Variants in PIWIL4 observed in about 807,000 individuals in gnomAD.
PIWIL4 encodes the protein piwi like RNA-mediated gene silencing 4, also known as piwi-like protein 4.
Under a neutral mutation model 100.9 loss-of-function variants are expected in PIWIL4, and 50 were observed. The observed-to-expected ratio is 0.50, with a 90% CI of 0.39 to 0.63. The LOEUF is 0.63. PIWIL4 is among the 20% of genes least tolerant of loss of function. The pLI is 0.00. For missense variants in PIWIL4, 887 were observed against 1,043.3 expected (o/e 0.85, Z 2.06); for synonymous variants, 342 against 367.5 (o/e 0.93, Z 0.79).
At chr11:94,589,520 T>C (rs4753144) in intron 8 of PIWIL4, among the ~76,000 whole-genome samples, 77,179 of 151,482 alleles carry the variant, frequency 0.51, 21,701 homozygotes, top group African/African-American at 0.77. Flanking sequence ...TAGGACCACC[T>C]GTAAGCCCTT....
At chr11:94,594,219 C>T (rs924598126) in intron 9 of PIWIL4, among the ~76,000 whole-genome samples, 1 of 152,032 alleles carries the variant, frequency 6.6e-6, no homozygotes, top group South Asian at 2.1e-4. Context: ...GTCATCCTAG[C>T]ATTTTGGGAG....
chr11:94,567,987 G>A (rs992177944), intron 1 of PIWIL4, among the ~76,000 whole-genome samples: 13 of 151,832 alleles, frequency 8.6e-5, no homozygotes, highest in East Asian at 5.8e-4. Flanking sequence ...ATAAAAATAA[G>A]TACTCTCACA....
At chr11:94,572,573 A>G (rs1948172605) in intron 2 of PIWIL4, among the ~76,000 whole-genome samples, 1 of 152,154 alleles carries the variant, frequency 6.6e-6, no homozygotes, top group Admixed American at 6.5e-5. Flanking sequence ...TGTTAATGTC[A>G]GGTTTGTCAA....
chr11:94,602,124 T>G, intron 12 of PIWIL4, 145 bp downstream of exon 12: 1 of 693,262 alleles, frequency 1.4e-6, no homozygotes, highest in Non-Finnish European at 2.3e-6. Flanking sequence ...GTAGATAGAT[T>G]TTGTAATGAC....
At chr11:94,620,218 C>T (rs1299932590) in intron 19 of PIWIL4, 74 bp downstream of exon 19, 1 of 1,423,644 alleles carries the variant, frequency 7.0e-7, no homozygotes, top group East Asian at 2.3e-5. Flanking sequence ...TACACGTCAT[C>T]TTTGTATCCC....
At chr11:94,585,372 G>A (rs1282613572) in intron 5 of PIWIL4, 73 bp from the exon 6 acceptor site, 1 of 1,032,958 alleles carries the variant, frequency 9.7e-7, no homozygotes, top group African/African-American at 1.6e-5. Flanking sequence ...ATTATGTTCA[G>A]TAAGGGTTTG....
intron 2 of PIWIL4, among the ~76,000 whole-genome samples, chr11:94,572,804 A>G (rs1265974994): frequency 6.6e-6 from 1 of 152,190 alleles, no homozygotes; most frequent in Non-Finnish European, 1.5e-5. Flanking sequence ...ACTATAAAGT[A>G]GTTTTTTCCA....
In PIWIL4 at chr11:94,569,365, G is replaced by GT. The variant is rs201730286; in HGVS notation, c.166+569dup. Among the ~76,000 whole-genome samples, 794 of 147,630 alleles carry GT rather than the reference G, an allele frequency of 5.4e-3. 5 individuals carry two copies. Among genetic ancestry groups the GT allele is most frequent in the East Asian group, 9.7e-3 (49 of 5,032 alleles). ...ATGGAATTGGAGGCCATTATCTTTT[G>GT]TTTTTTTTTTTTGTTTGTTTGTTTG... On this transcript the variant is annotated intron_variant, in intron 2 of 19. Transcript: ENST00000299001.
Position 94,620,144 on chromosome 11 carries a change from G to A in PIWIL4, c.2442G>A (p.Pro814=), listed in dbSNP as rs138259800. The change falls in exon 19 of 20, where the codon CCG becomes CCA. Residue 814 remains proline (P), a splice_region_variant and synonymous_variant. Coordinates refer to ENST00000299001, the MANE Select transcript of PIWIL4 (RefSeq NM_152431.3). ...FKLCHLYYNW[P]GIVSVPAPCQ... is the part of the protein sequence containing the mutation. ...TGTGCCACCTGTACTACAACTGGCC[G>A]GTGAGTGAAAGCTGTTTACTTAATG... The A allele has an allele frequency of 2.8e-5, 44 of 1,583,038 alleles. No individual in the cohort carries two copies. The highest frequency in any genetic ancestry group is 5.8e-5 in the South Asian group (5 of 85,928).
intron 7 of PIWIL4, among the ~76,000 whole-genome samples, chr11:94,588,193 T>C (rs1379174840): frequency 1.3e-5 from 2 of 152,098 alleles, no homozygotes; most frequent in Non-Finnish European, 2.9e-5. Context: ...CTCCCACTTA[T>C]AAGTGAGAAC....
intron 11 of PIWIL4, among the ~76,000 whole-genome samples, chr11:94,599,155 A>G (rs1435701985): frequency 6.6e-6 from 1 of 152,270 alleles, no homozygotes; most frequent in East Asian, 1.9e-4. Flanking sequence ...GCGAGAGTTC[A>G]GTAAAGAGAA....
intron 15 of PIWIL4, among the ~76,000 whole-genome samples, chr11:94,612,164 A>C (rs1289069489): frequency 7.1e-6 from 1 of 141,624 alleles, no homozygotes; most frequent in Admixed American, 7.2e-5. Context: ...GCTCCCTACT[A>C]TTATTGTATT....
intron 15 of PIWIL4, among the ~76,000 whole-genome samples, chr11:94,613,130 A>G (rs1206410891): frequency 6.6e-6 from 1 of 152,000 alleles, no homozygotes; most frequent in African/African-American, 2.4e-5. Flanking sequence ...TCCCTTTGTT[A>G]TTTCTTATAT....
chr11:94,620,149 G>C lies in PIWIL4; in HGVS notation c.2442+5G>C. 2 of 1,574,472 alleles carry C rather than the reference G, an allele frequency of 1.3e-6. No homozygotes were observed. The highest frequency in any genetic ancestry group is 1.7e-6 in the Non-Finnish European group (2 of 1,161,934). On this transcript the variant is annotated splice_donor_5th_base_variant and intron_variant, in intron 19 of 19. Coordinates refer to ENST00000299001, the MANE Select transcript of PIWIL4 (RefSeq NM_152431.3). ...CACCTGTACTACAACTGGCCGGTGAGTGAAAGCTGTTTACTTAATGTAAAT... is the reference window on the plus strand; with the variant it reads ...CACCTGTACTACAACTGGCCGGTGACTGAAAGCTGTTTACTTAATGTAAAT...
chr11:94,579,147 C>A (rs1948281184), intron 4 of PIWIL4, among the ~76,000 whole-genome samples: 1 of 152,184 alleles, frequency 6.6e-6, no homozygotes, highest in Admixed American at 6.5e-5. Flanking sequence ...TGCTCCTGCA[C>A]CCTTGTGCCT....
At chr11:94,595,463 G>C in intron 10 of PIWIL4, 37 bp downstream of exon 10, 1 of 1,519,950 alleles carries the variant, frequency 6.6e-7, no homozygotes, top group Non-Finnish European at 9.1e-7. Context: ...CTGGGGCTGA[G>C]TTTTTAGTAT....
rs376744967 is a variant in PIWIL4 at position 94,595,440 on chromosome 11, G to T, written c.1268+14G>T. ...CAACATCCAGAGGTACTGGATCACC[G>T]CATGCATCCTTCCTGGGGCTGAGTT... On this transcript the variant is annotated intron_variant, in intron 10 of 19. Coordinates refer to ENST00000299001, the MANE Select transcript of PIWIL4 (RefSeq NM_152431.3). The T allele has an allele frequency of 1.4e-5, 23 of 1,593,338 alleles. No homozygotes were observed. The highest frequency in any genetic ancestry group is 1.7e-5 in the Non-Finnish European group (20 of 1,164,014).
chr11:94,587,005 G>T, intron 6 of PIWIL4, 45 bp from the exon 7 acceptor site: 1 of 1,435,924 alleles, frequency 7.0e-7, no homozygotes, highest in Non-Finnish European at 9.7e-7. Flanking sequence ...TGTGTTTCCG[G>T]TATAACATTG....
intron 15 of PIWIL4, among the ~76,000 whole-genome samples, chr11:94,609,416 A>G (rs562714490): frequency 6.6e-6 from 1 of 152,322 alleles, no homozygotes; most frequent in East Asian, 1.9e-4. Context: ...TTGAGCCTAT[A>G]GCAGCCCTTT....
Sources: allele counts gnomAD v4.1 joint callset (sites outside exome capture counted in the v4.1 genomes callset), GRCh38; gene constraint gnomAD v4.1.1; transcripts MANE v1.5; gene names NCBI Gene and HGNC (gene_info 2026-07-23, HGNC 2026-07-21).